RTN4: variants seen among roughly 807,000 people sequenced by gnomAD.
RTN4 encodes reticulon 4.
A neutral mutation model predicts 90.4 loss-of-function variants in RTN4; 32 were observed. That is an observed-to-expected ratio of 0.35 (90% confidence interval 0.27 to 0.48). The LOEUF (loss-of-function observed/expected upper bound fraction) is 0.48. RTN4 is among the 20% of genes least tolerant of loss of function. The probability of loss-of-function intolerance (pLI) is 0.99; values close to 1 mark genes in which losing one functional copy is unlikely to be tolerated. For synonymous variants in RTN4, 629 were observed against 552.5 expected (o/e 1.14, Z -1.94); for missense variants, 1,706 against 1,430.2 (o/e 1.19, Z -3.11).
At chr2:54,974,530 C>T (rs948087012) in intron 6 of RTN4, among the ~76,000 whole-genome samples, 165 bp downstream of exon 6, 4 of 152,246 alleles carry the variant, frequency 2.6e-5, no homozygotes, top group African/African-American at 9.6e-5. Flanking sequence ...ATCCGCCCAC[C>T]TTGGCCTCCC....
chr2:55,072,169 A>G (rs1311035156), intron 2 of RTN4, among the ~76,000 whole-genome samples: 3 of 151,954 alleles, frequency 2.0e-5, no homozygotes, highest in African/African-American at 7.2e-5. Flanking sequence ...TCAAAAAAAA[A>G]TATGTAAAAC....
chr2:55,004,397 G>A (rs1029969357), intron 3 of RTN4, among the ~76,000 whole-genome samples: 7 of 152,154 alleles, frequency 4.6e-5, no homozygotes, highest in Non-Finnish European at 8.8e-5. Flanking sequence ...GCATGGTCCT[G>A]TGTGGGCCTG....
At chr2:55,100,318 G>C (rs1292152337) in intron 1 of RTN4, among the ~76,000 whole-genome samples, 1 of 152,068 alleles carries the variant, frequency 6.6e-6, no homozygotes, top group Non-Finnish European at 1.5e-5. Flanking sequence ...GGGAGCTATT[G>C]GGGTGGCATT....
chr2:54,976,957 ATACT>A (rs1677685859), intron 5 of RTN4, among the ~76,000 whole-genome samples: 1 of 152,226 alleles, frequency 6.6e-6, no homozygotes, highest in African/African-American at 2.4e-5. Flanking sequence ...GATCTAACAA[ATACT>A]TACTGAAAAG....
chr2:55,120,106 A>G, the RTN4 span, among the ~76,000 whole-genome samples: 2 of 152,214 alleles, frequency 1.3e-5, no homozygotes, highest in Non-Finnish European at 2.9e-5. Context: ...AATGATTCCC[A>G]TGCCCACTCT....
chr2:55,093,308 T>C (rs1250966631), intron 1 of RTN4, among the ~76,000 whole-genome samples: 1 of 152,000 alleles, frequency 6.6e-6, no homozygotes, highest in Non-Finnish European at 1.5e-5. Context: ...AATGGCTAAA[T>C]GCATGTATAC....
intron 1 of RTN4, among the ~76,000 whole-genome samples, chr2:55,043,799 T>A (rs1379721326): frequency 6.6e-6 from 1 of 151,740 alleles, no homozygotes; most frequent in African/African-American, 2.4e-5. Flanking sequence ...GGCAGGAGAA[T>A]TGCTGGAACC....
the RTN4 span, among the ~76,000 whole-genome samples, chr2:55,123,425 A>C: frequency 1.3e-5 from 2 of 152,162 alleles, no homozygotes; most frequent in Admixed American, 6.5e-5. Flanking sequence ...TATACTTAAG[A>C]GCTCCAGTAA....
At chr2:55,083,598 A>T (rs539745017) in intron 1 of RTN4, among the ~76,000 whole-genome samples, 3 of 152,334 alleles carry the variant, frequency 2.0e-5, no homozygotes, top group South Asian at 2.1e-4. Flanking sequence ...AAGCACATTT[A>T]AAAAAATAGG....
intron 2 of RTN4, among the ~76,000 whole-genome samples, chr2:55,066,193 T>TTGTGTGTGTGTG (rs57202019): frequency 4.5e-5 from 5 of 111,048 alleles, no homozygotes; most frequent in African/African-American, 1.1e-4. Flanking sequence ...GTGTGTGTGT[T>TTGTGTGTGTGTG]TGTGTGTGTG....
upstream of RTN4, among the ~76,000 whole-genome samples, chr2:55,053,571 A>T (rs1668134656): frequency 6.6e-6 from 1 of 151,990 alleles, no homozygotes; most frequent in Non-Finnish European, 1.5e-5. Flanking sequence ...CTGTAACCCC[A>T]GCTACTTGGG....
At chr2:55,048,588 CA>C (rs1667906455) in intron 1 of RTN4, among the ~76,000 whole-genome samples, 2 of 152,060 alleles carry the variant, frequency 1.3e-5, no homozygotes, top group Admixed American at 1.3e-4. Flanking sequence ...CGCTAGGCGG[CA>C]GGAATTTTTC....
rs552164985 is a variant in RTN4, at chr2:55,090,098, T to A, written c.-213-9459A>T. On this transcript the variant is annotated intron_variant, in intron 1 of 3. Coordinates refer to the RTN4 transcript ENST00000427710. Reference sequence around the variant, plus strand: ...CTCCTGAGTCTTTGGTAGATTTGAATTGTAAAATAGATCTGGGGCTGTTTT... The same window carrying A: ...CTCCTGAGTCTTTGGTAGATTTGAAATGTAAAATAGATCTGGGGCTGTTTT... Among the ~76,000 whole-genome samples, 227 of 152,316 alleles carry A rather than the reference T, an allele frequency of 1.5e-3. No individual in the cohort carries two copies. In the Middle Eastern group the frequency reaches 0.041, roughly 27 times the overall value.
intron 2 of RTN4, among the ~76,000 whole-genome samples, chr2:55,074,552 G>C (rs1299840660): frequency 6.8e-6 from 1 of 146,238 alleles, no homozygotes; most frequent in Non-Finnish European, 1.5e-5. Flanking sequence ...TATGGAGAAA[G>C]AGGGAATCCT....
intron 4 of RTN4, among the ~76,000 whole-genome samples, chr2:54,986,998 G>C (rs961042812): frequency 1.3e-5 from 2 of 152,048 alleles, no homozygotes; most frequent in Non-Finnish European, 2.9e-5. Flanking sequence ...GAGACAAGGA[G>C]ATGCTGAAAT....
intron 1 of RTN4, among the ~76,000 whole-genome samples, chr2:55,039,097 G>C (rs570478047): frequency 6.6e-6 from 1 of 152,154 alleles, no homozygotes; most frequent in Admixed American, 6.5e-5. Flanking sequence ...TTGGTGTTGC[G>C]GGTAGGAACC....
chr2:55,085,299 A>G (rs972268705), intron 1 of RTN4, among the ~76,000 whole-genome samples: 4 of 150,520 alleles, frequency 2.7e-5, no homozygotes, highest in African/African-American at 7.3e-5. Flanking sequence ...GTGTGTGTGT[A>G]TATATACATA....
At chr2:55,095,214 C>A (rs563155744) in intron 1 of RTN4, among the ~76,000 whole-genome samples, 1 of 152,030 alleles carries the variant, frequency 6.6e-6, no homozygotes, top group African/African-American at 2.4e-5. Context: ...ATCCTGGCTA[C>A]TTGGGAGGCT....
chr2:54,998,101 A>G (rs1373121223), intron 3 of RTN4, among the ~76,000 whole-genome samples: 2 of 152,066 alleles, frequency 1.3e-5, no homozygotes, highest in Non-Finnish European at 2.9e-5. Flanking sequence ...CATATATTTT[A>G]TGATTCTGTT....
Sources: gnomAD v4.1 joint callset for allele counts (sites outside exome capture counted in the v4.1 genomes callset) on GRCh38, gnomAD v4.1.1 for gene constraint, MANE v1.5 for transcripts, NCBI Gene and HGNC (gene_info 2026-07-23, HGNC 2026-07-21) for gene names.